The following AKAP9 variants were observed in gnomAD, a reference collection of about 807,000 sequenced individuals.
The protein encoded by AKAP9 is A-kinase anchoring protein 9.
In AKAP9, 311 loss-of-function variants were observed where a neutral mutation model predicts 488.5. That is an observed-to-expected ratio of 0.64 (90% CI 0.58 to 0.70). The LOEUF (loss-of-function observed/expected upper bound fraction) is 0.70. Ranked by LOEUF, AKAP9 falls within the 30% of genes least tolerant of loss-of-function variation. The pLI is 0.00. For synonymous variants in AKAP9, 1,462 were observed against 1,483.5 expected (o/e 0.99, Z 0.33); for missense variants, 4,215 against 4,374.5 (o/e 0.96, Z 1.03).
At position 92,110,147 on chromosome 7, in the gene AKAP9, C is replaced by T; in HGVS notation, c.11712C>T (p.Gly3904=). ...QSGSTTQFHA[G]MRR ...GTTCAACTACTCAATTTCATGCTGG[C>T]ATGAGAAGATAATCCTTTGAAACAT... Residue 3904 remains glycine, a synonymous_variant, in exon 50 of 50, where the codon GGC becomes GGT. Transcript: ENST00000356239. The T allele has an allele frequency of 6.2e-7, 1 of 1,601,704 alleles. No individual in the cohort carries two copies. Among genetic ancestry groups the T allele is most frequent in the Non-Finnish European group, 8.5e-7 (1 of 1,171,790 alleles).
At chr7:92,055,301 A>G (rs1808594745) in intron 22 of AKAP9, among the ~76,000 whole-genome samples, 1 of 152,090 alleles carries the variant, frequency 6.6e-6, no homozygotes, top group South Asian at 2.1e-4. Flanking sequence ...TGTTTGAAAC[A>G]TAACTGCAAT....
chr7:92,084,059 G>A (rs1485857869), intron 33 of AKAP9, among the ~76,000 whole-genome samples: 1 of 152,134 alleles, frequency 6.6e-6, no homozygotes, highest in African/African-American at 2.4e-5. Flanking sequence ...TCCCACTTAT[G>A]AGTGAGAACA....
intron 1 of AKAP9, among the ~76,000 whole-genome samples, chr7:91,960,409 G>A (rs929849110): frequency 1.8e-4 from 28 of 152,148 alleles, no homozygotes; most frequent in African/African-American, 4.8e-4. Flanking sequence ...AAAGCAAATG[G>A]TATAATGGAA....
At chr7:92,037,458 C>A (rs182943935) in intron 16 of AKAP9, among the ~76,000 whole-genome samples, 2 of 152,146 alleles carry the variant, frequency 1.3e-5, no homozygotes, top group East Asian at 3.9e-4. Context: ...ATTTCTAATC[C>A]CAGGCATACT....
At chr7:92,071,464 A>G (rs1358703239) in intron 28 of AKAP9, among the ~76,000 whole-genome samples, 2 of 152,098 alleles carry the variant, frequency 1.3e-5, no homozygotes, top group Non-Finnish European at 2.9e-5. Flanking sequence ...TTCTTAAAAC[A>G]AAAAGATTAA....
rs377561989 is a variant in AKAP9, at chr7:92,099,844, G to A, written c.10871G>A (p.Arg3624Gln). ...MKLEEQIRWY[R>Q]QTGAGRDNSS... ...CTGGAAGAGCAGATCAGGTGGTATC[G>A]ACAGACAGGAGCTGGTAGAGATAAT... The change falls in exon 44 of 50, where the codon CGA becomes CAA. Residue 3624 changes from arginine (R) to glutamine (Q), a missense_variant. Physicochemically the swap from Arg to Gln is conservative, Grantham distance 43. Around this residue, in one of 5 missense-constraint regions of AKAP9, gnomAD observed 74 missense variants for 113.0 expected, o/e 0.65. Coordinates refer to ENST00000356239, the MANE Select transcript of AKAP9 (RefSeq NM_005751.5). 3.1e-6 allele frequency: 5 copies of A among 1,613,794 alleles called. No individual in the cohort carries two copies. Among genetic ancestry groups the A allele is most frequent in the Non-Finnish European group, 4.2e-6 (5 of 1,179,932 alleles).
intron 40 of AKAP9, among the ~76,000 whole-genome samples, chr7:92,095,664 A>G (rs1268484727): frequency 6.6e-6 from 1 of 152,186 alleles, no homozygotes; most frequent in Non-Finnish European, 1.5e-5. Context: ...GAGGTGGAGT[A>G]TACATGAAGT....
chr7:92,058,483 A>G, intron 22 of AKAP9: 5 of 400,440 alleles, frequency 1.2e-5, no homozygotes, highest in South Asian at 1.0e-4. Flanking sequence ...GTCTATATTA[A>G]GGCTAAATGG....
At chr7:91,971,872 A>G (rs1044754427) in intron 1 of AKAP9, among the ~76,000 whole-genome samples, 11 of 151,094 alleles carry the variant, frequency 7.3e-5, no homozygotes, top group South Asian at 6.3e-4. Flanking sequence ...CCCGGCCTAC[A>G]TCTATTTCTT....
chr7:92,077,549 T>C (rs1812815279), intron 29 of AKAP9, 147 bp from the exon 30 acceptor site: 6 of 736,804 alleles, frequency 8.1e-6, no homozygotes, highest in Admixed American at 2.7e-5. Context: ...TTTATCAAAA[T>C]ATTTTAGAAT....
chr7:91,985,669 G>A (rs760795891), intron 3 of AKAP9, among the ~76,000 whole-genome samples: 1 of 151,672 alleles, frequency 6.6e-6, no homozygotes, highest in Non-Finnish European at 1.5e-5. Context: ...TTTTTCTGTG[G>A]CGGAGTCTCA....
chr7:92,096,421 A>G (rs1019811291), intron 40 of AKAP9, among the ~76,000 whole-genome samples: 1 of 143,298 alleles, frequency 7.0e-6, no homozygotes, highest in Admixed American at 7.3e-5. Context: ...TGCAACCTCC[A>G]CCTCCCGGGT....
In AKAP9 at chr7:92,001,226, C is replaced by T. The variant is rs1349808113; in HGVS notation, c.1309C>T (p.Leu437=). Residue 437 remains leucine (L), a synonymous_variant, in exon 8 of 50, where the codon CTG becomes TTG. Transcript: ENST00000356239. The part of the protein sequence containing the change: ...QRKLEQLRAE[L]DEMYGQQIVQ... ...AAAGTTAGAACAACTCCGGGCAGAG[C>T]TGGATGAGATGTATGGGCAGCAGAT... 1.2e-6 allele frequency: 2 copies of T among 1,613,908 alleles called. No individual in the cohort carries two copies. Among genetic ancestry groups the T allele is most frequent in the Non-Finnish European group, 1.7e-6 (2 of 1,179,928 alleles).
Position 92,039,625 on chromosome 7 carries a change from T to G in AKAP9, c.4692+853T>G, listed in dbSNP as rs1298026569. ...CTTTTAACATTATCTGAATTAAAATTTTTTATTAATATTCAGGATAGGTTA... is the reference window on the plus strand; with the variant it reads ...CTTTTAACATTATCTGAATTAAAATGTTTTATTAATATTCAGGATAGGTTA... On this transcript the variant is annotated intron_variant, in intron 17 of 49. Transcript: ENST00000356239. Among the ~76,000 whole-genome samples, 3 of 152,328 alleles carry G rather than the reference T, an allele frequency of 2.0e-5. No individual in the cohort carries two copies. The East Asian group carries it at 5.8e-4, about 29-fold the overall frequency.
intron 3 of AKAP9, among the ~76,000 whole-genome samples, chr7:91,989,829 G>C (rs955589567): frequency 6.6e-6 from 1 of 151,862 alleles, no homozygotes; most frequent in African/African-American, 2.4e-5. Context: ...TTAAGTACAA[G>C]AATAAGGTAT....
chr7:92,100,002 A>T, intron 44 of AKAP9, 133 bp downstream of exon 44: 2 of 763,430 alleles, frequency 2.6e-6, no homozygotes, highest in South Asian at 1.6e-5. Context: ...AGAAAATTTT[A>T]TAGGGATGAC....
Position 92,022,962 on chromosome 7 carries a change from T to G in AKAP9, c.4101T>G (p.Cys1367Trp). 1 of 1,614,054 alleles carries G rather than the reference T, an allele frequency of 6.2e-7. No individual in the cohort carries two copies. The highest frequency in any genetic ancestry group is 8.5e-7 in the Non-Finnish European group (1 of 1,179,938). Residue 1367 changes from cysteine to tryptophan, a missense_variant, in exon 14 of 50, where the codon TGT (cysteine) becomes TGG (tryptophan). By Grantham distance (215) the Cys-to-Trp change is radical. Transcript: ENST00000356239. ...AAAACTATGAGGCAGAGATCCACTG[T>G]TTACAGAAGAGGCTTCAAGCTGTTA... ...TEQNYEAEIH[C>W]LQKRLQAVSE...
chr7:92,022,510 C>T (rs1802461689), intron 13 of AKAP9, among the ~76,000 whole-genome samples, 158 bp downstream of exon 13: 1 of 152,116 alleles, frequency 6.6e-6, no homozygotes, highest in South Asian at 2.1e-4. Context: ...AAGATTTGGA[C>T]TACTTTCTAT....
chr7:91,962,833 G>A (rs1231288228), intron 1 of AKAP9, among the ~76,000 whole-genome samples: 2 of 125,236 alleles, frequency 1.6e-5, no homozygotes, highest in Non-Finnish European at 3.5e-5. Context: ...ATTTTTAATC[G>A]AACTGTTTAT....
Sources: allele counts gnomAD v4.1 joint callset (sites outside exome capture counted in the v4.1 genomes callset), GRCh38; gene constraint gnomAD v4.1.1; regional missense constraint gnomAD v4.1.1; transcripts MANE v1.5; gene names NCBI Gene and HGNC (gene_info 2026-07-23, HGNC 2026-07-21).